The following RALYL variants were observed in gnomAD, a reference collection of about 807,000 sequenced individuals.
RALYL encodes RALY RNA binding protein like.
RALYL carries 29 observed loss-of-function variants against 35.1 expected under a neutral mutation model. That is an observed-to-expected ratio of 0.83 (90% CI 0.61 to 1.13). The LOEUF (loss-of-function observed/expected upper bound fraction) is 1.13, where lower values mean the gene tolerates loss of function less well. Ranked by LOEUF, RALYL falls within the 50% of genes most tolerant of loss-of-function variation. The pLI is 0.00. For synonymous variants in RALYL, 120 were observed against 127.6 expected (o/e 0.94, Z 0.40); for missense variants, 359 against 360.4 (o/e 1.00, Z 0.03).
At chr8:84,883,520 G>T (rs571925390) in intron 7 of RALYL, among the ~76,000 whole-genome samples, 1 of 151,918 alleles carries the variant, frequency 6.6e-6, no homozygotes, top group Non-Finnish European at 1.5e-5. Flanking sequence ...CAGGAGAAAC[G>T]GGAAACCCCT....
intron 1 of RALYL, among the ~76,000 whole-genome samples, chr8:84,417,864 T>G (rs1159844108): frequency 3.3e-5 from 5 of 152,276 alleles, no homozygotes; most frequent in South Asian, 2.1e-4. Context: ...ATTTTAAAAA[T>G]TCTATTGATA....
In RALYL at chr8:84,887,604, A is replaced by G; in HGVS notation, c.686A>G (p.Glu229Gly). 2 of 1,584,170 alleles carry G rather than the reference A, an allele frequency of 1.3e-6. No individual in the cohort carries two copies. The highest frequency in any genetic ancestry group is 1.7e-6 in the Non-Finnish European group (2 of 1,159,996). The change falls in exon 8 of 9, where the codon GAA becomes GGA. Residue 229 changes from glutamate to glycine, a missense_variant and splice_region_variant. Glu to Gly is a moderately conservative substitution (Grantham distance 98, BLOSUM62 -2). Transcript: ENST00000521268. ...GTCATTTGCTTTCTCCCCCCCCCAG[A>G]AGCTCAGAAGAAGCAATTGGAAGAG... ...KIEKQQKAEA[E>G]AQKKQLEESL...
intron 8 of RALYL, among the ~76,000 whole-genome samples, chr8:84,911,154 A>G (rs996065993): frequency 2.0e-5 from 3 of 152,128 alleles, no homozygotes; most frequent in Non-Finnish European, 2.9e-5. Flanking sequence ...AGAAAGTTCA[A>G]CTAGCAACTA....
intron 2 of RALYL, among the ~76,000 whole-genome samples, chr8:84,774,074 C>T (rs1048121917): frequency 2.6e-5 from 4 of 152,046 alleles, no homozygotes; most frequent in Admixed American, 6.6e-5. Flanking sequence ...TAAAAATTAG[C>T]CAGGCATAGT....
rs763069223 is a variant in RALYL at position 84,892,701 on chromosome 8, TA to T, written c.858+4935del. Among the ~76,000 whole-genome samples the T allele has an allele frequency of 3.0e-3, 411 of 137,380 alleles. 4 individuals are homozygous for T. Among genetic ancestry groups the T allele is most frequent in the South Asian group, 0.02 (89 of 4,388 alleles). 90.1% of individuals were successfully genotyped at this position (137,380 alleles called of 152,430 possible). On this transcript the variant is annotated intron_variant, in intron 8 of 8. Transcript: ENST00000521268. ...ATGTACCCTAAAACTTAAAGTATAA[TA>T]AAAAAAAAACCAGACAGATGACTGA...
chr8:84,301,760 T>C (rs1434898462), intron 1 of RALYL, among the ~76,000 whole-genome samples: 1 of 152,140 alleles, frequency 6.6e-6, no homozygotes, highest in Non-Finnish European at 1.5e-5. Context: ...TAGTGCATTA[T>C]AATTTAAACA....
At chr8:84,486,591 T>A (rs1480159687) in intron 1 of RALYL, among the ~76,000 whole-genome samples, 2 of 151,902 alleles carry the variant, frequency 1.3e-5, no homozygotes, top group South Asian at 2.1e-4. Context: ...TTTTTTATAG[T>A]TTCTTTCATA....
chr8:84,624,667 A>ACATATT (rs1258577986), intron 2 of RALYL, among the ~76,000 whole-genome samples: 30 of 152,214 alleles, frequency 2.0e-4, no homozygotes, highest in Non-Finnish European at 4.0e-4. Flanking sequence ...TTGTAAGATT[A>ACATATT]CATATTCACA....
intron 1 of RALYL, among the ~76,000 whole-genome samples, chr8:84,274,473 G>A (rs1290166138): frequency 6.6e-6 from 1 of 151,950 alleles, no homozygotes; most frequent in Non-Finnish European, 1.5e-5. Flanking sequence ...TTCATTCTTA[G>A]GTAATGTACC....
At chr8:84,753,471 C>G (rs534133979) in intron 2 of RALYL, among the ~76,000 whole-genome samples, 1 of 152,100 alleles carries the variant, frequency 6.6e-6, no homozygotes, top group South Asian at 2.1e-4. Context: ...TTGGGAGGGG[C>G]CTAGGCAGAA....
chr8:84,647,214 G>T (rs1352620762), intron 2 of RALYL, among the ~76,000 whole-genome samples: 6 of 152,064 alleles, frequency 3.9e-5, no homozygotes, highest in African/African-American at 1.4e-4. Flanking sequence ...CCTTGAAAAG[G>T]ATTAGAAAGT....
intron 1 of RALYL, among the ~76,000 whole-genome samples, chr8:84,468,353 T>G (rs4418337): frequency 0.35 from 53,383 of 150,850 alleles, 9,677 homozygotes; most frequent in South Asian, 0.51. Flanking sequence ...TGACAAAATC[T>G]CTCAGCATTT....
chr8:84,911,792 T>G (rs1371961955), intron 8 of RALYL, among the ~76,000 whole-genome samples: 1 of 152,094 alleles, frequency 6.6e-6, no homozygotes. Context: ...TTTTCTAGGA[T>G]GGCTCACAGA....
In RALYL at chr8:84,892,843, A is replaced by G. The variant is rs1231842943; in HGVS notation, c.858+5067A>G. 3.9e-5 allele frequency among the ~76,000 whole-genome samples: 6 copies of G among 152,284 alleles called. No homozygotes were observed. In the East Asian group the frequency reaches 5.8e-4, roughly 15 times the overall value. ...ATTCTACAATAATCTATACCTATAT[A>G]TTTCAGTAGTGCATAGAAGTCAAAA... On this transcript the variant is annotated intron_variant, in intron 8 of 8. Transcript: ENST00000521268.
At chr8:84,275,332 A>T (rs1339690352) in intron 1 of RALYL, among the ~76,000 whole-genome samples, 2 of 152,124 alleles carry the variant, frequency 1.3e-5, no homozygotes, top group South Asian at 4.1e-4. Flanking sequence ...AGTAGGAATT[A>T]TACATGAATT....
chr8:84,907,064 C>G (rs1010740984), intron 8 of RALYL: 17 of 640,990 alleles, frequency 2.7e-5, no homozygotes, highest in Non-Finnish European at 3.3e-5. Context: ...TCCCGGAAAC[C>G]TTATGCATAT....
At chr8:84,247,169 G>A (rs1161338958) in intron 1 of RALYL, among the ~76,000 whole-genome samples, 4 of 152,128 alleles carry the variant, frequency 2.6e-5, no homozygotes, top group Non-Finnish European at 5.9e-5. Flanking sequence ...AAGTTAACAA[G>A]AACTGAACTG....
chr8:84,648,063 T>C (rs917384670), intron 2 of RALYL, among the ~76,000 whole-genome samples: 1 of 152,068 alleles, frequency 6.6e-6, no homozygotes, highest in African/African-American at 2.4e-5. Context: ...CACAGAATAT[T>C]GTGTTAGGGA....
At chr8:84,777,937 G>A (rs773505091) in intron 3 of RALYL, among the ~76,000 whole-genome samples, 71 of 152,200 alleles carry the variant, frequency 4.7e-4, no homozygotes, top group Non-Finnish European at 9.4e-4. Flanking sequence ...CACCGCACCC[G>A]GCTTCTGAGT....
Sources: gnomAD v4.1 joint callset for allele counts (sites outside exome capture counted in the v4.1 genomes callset) on GRCh38, gnomAD v4.1.1 for gene constraint, MANE v1.5 for transcripts, NCBI Gene and HGNC (gene_info 2026-07-23, HGNC 2026-07-21) for gene names.